The following PTPRG variants were observed in gnomAD, a reference collection of about 807,000 sequenced individuals.
PTPRG encodes receptor-type tyrosine-protein phosphatase gamma.
Under a neutral mutation model 165.3 loss-of-function variants are expected in PTPRG, and 102 were observed. The ratio of observed to expected loss-of-function variants is 0.62; its 90% CI spans 0.53 to 0.73. PTPRG has a LOEUF of 0.73. Ranked by LOEUF, PTPRG falls within the 30% of genes least tolerant of loss-of-function variation. The pLI is 0.00. For missense variants in PTPRG, 1,866 were observed against 1,861.4 expected (o/e 1.00, Z -0.05); for synonymous variants, 675 against 669.5 (o/e 1.01, Z -0.13).
intron 2 of PTPRG, among the ~76,000 whole-genome samples, chr3:61,857,557 GATA>G (rs1445580726): frequency 6.6e-6 from 1 of 152,136 alleles, no homozygotes; most frequent in Admixed American, 6.6e-5. Context: ...AGTGTGACTC[GATA>G]ATTATTTTAT....
chr3:61,773,773 C>A (rs2034283918), intron 2 of PTPRG, among the ~76,000 whole-genome samples: 1 of 148,632 alleles, frequency 6.7e-6, no homozygotes, highest in Non-Finnish European at 1.5e-5. Flanking sequence ...CCTTCTCCCC[C>A]ATTGACTTTT....
intron 1 of PTPRG, among the ~76,000 whole-genome samples, chr3:61,668,981 C>T (rs1449158611): frequency 6.6e-6 from 1 of 152,154 alleles, no homozygotes; most frequent in Non-Finnish European, 1.5e-5. Flanking sequence ...TTTTAAAGCT[C>T]ATTTATTACA....
At chr3:61,837,407 C>T (rs181519122) in intron 2 of PTPRG, among the ~76,000 whole-genome samples, 11 of 152,164 alleles carry the variant, frequency 7.2e-5, no homozygotes, top group Non-Finnish European at 1.2e-4. Flanking sequence ...AGTAATATCT[C>T]CTAAAATGTG....
intron 5 of PTPRG, among the ~76,000 whole-genome samples, chr3:62,129,482 G>A (rs999444610): frequency 1.3e-5 from 2 of 151,984 alleles, no homozygotes; most frequent in African/African-American, 4.8e-5. Context: ...GAATGGCCCT[G>A]ACATCTGGCA....
chr3:62,127,601 A>G (rs1173367997), intron 5 of PTPRG, among the ~76,000 whole-genome samples: 2 of 152,306 alleles, frequency 1.3e-5, no homozygotes, highest in South Asian at 2.1e-4. Context: ...ACAAGAGGAT[A>G]TCGGCTGGAT....
rs1395449432 is a variant in PTPRG at position 62,296,285 on chromosome 3, G to A, written c.*2978G>A. On this transcript the variant is annotated 3_prime_UTR_variant, in exon 30 of 30. Coordinates refer to ENST00000474889, the MANE Select transcript of PTPRG (RefSeq NM_002841.4). ...GTCTATTCAAGTAGAAGAGTCCAGC[G>A]AGGCCAAAGAAGGGTTACGGTGTTC... is the stretch of plus-strand genomic sequence containing the variant. 2.0e-5 allele frequency: 3 copies of A among 151,876 alleles called. No individual in the cohort carries two copies. Among genetic ancestry groups the A allele is most frequent in the African/African-American group, 2.4e-5 (1 of 41,360 alleles). The allele number at this position is 151,876 out of a possible 1,614,324, so 9.4% of individuals were successfully genotyped here.
In PTPRG at chr3:62,007,902, T is replaced by G. The variant is rs77235342; in HGVS notation, c.519+4405T>G. 4.6e-3 allele frequency among the ~76,000 whole-genome samples: 704 copies of G among 152,360 alleles called. 5 individuals carry two copies. Among genetic ancestry groups the G allele is most frequent in the African/African-American group, 0.015 (642 of 41,590 alleles). ...ATTTTGGTAGGCAAGATAATGTCTCTTCTTCCAAATGTCTGCTGTAAATAC... is the reference window on the plus strand; with the variant it reads ...ATTTTGGTAGGCAAGATAATGTCTCGTCTTCCAAATGTCTGCTGTAAATAC... On this transcript the variant is annotated intron_variant, in intron 4 of 29. Transcript: ENST00000474889.
intron 19 of PTPRG, 126 bp from the exon 20 acceptor site, chr3:62,268,909 T>G: frequency 9.4e-7 from 1 of 1,067,882 alleles, no homozygotes; most frequent in Non-Finnish European, 1.3e-6. Context: ...TAAACTCACG[T>G]ATTCCTTTTT....
chr3:61,729,251 A>G (rs1225018967), intron 1 of PTPRG, among the ~76,000 whole-genome samples: 1 of 152,176 alleles, frequency 6.6e-6, no homozygotes, highest in Non-Finnish European at 1.5e-5. Context: ...ATGGCCCACA[A>G]CTGTGCATCC....
chr3:61,932,271 C>T (rs2039380131), intron 2 of PTPRG, among the ~76,000 whole-genome samples: 1 of 152,182 alleles, frequency 6.6e-6, no homozygotes, highest in Non-Finnish European at 1.5e-5. Context: ...TCTTGTAATG[C>T]AGCACTGCAT....
At chr3:61,935,002 C>T (rs957988212) in intron 2 of PTPRG, among the ~76,000 whole-genome samples, 11 of 152,080 alleles carry the variant, frequency 7.2e-5, no homozygotes, top group African/African-American at 2.7e-4. Context: ...CCAACACGTC[C>T]CTTCCACCTT....
intron 2 of PTPRG, among the ~76,000 whole-genome samples, chr3:61,779,199 T>C (rs1437994457): frequency 6.6e-6 from 1 of 152,196 alleles, no homozygotes; most frequent in Non-Finnish European, 1.5e-5. Context: ...TAAAATGCAT[T>C]AAGAAGCTGC....
At chr3:61,855,058 G>T (rs2037062607) in intron 2 of PTPRG, among the ~76,000 whole-genome samples, 1 of 152,148 alleles carries the variant, frequency 6.6e-6, no homozygotes, top group East Asian at 1.9e-4. Flanking sequence ...TGCATCAGAA[G>T]GTGAACGCAG....
chr3:61,893,318 A>T (rs984004126), intron 2 of PTPRG, among the ~76,000 whole-genome samples: 3 of 151,828 alleles, frequency 2.0e-5, no homozygotes, highest in Admixed American at 2.0e-4. Context: ...TCCTTTGGTA[A>T]TAAGTATAAA....
At chr3:61,743,497 CCAT>C (rs1235728673) in intron 1 of PTPRG, among the ~76,000 whole-genome samples, 1 of 149,548 alleles carries the variant, frequency 6.7e-6, no homozygotes, top group African/African-American at 2.4e-5. Context: ...GTTTGTCAGG[CCAT>C]GGGTGTCTGT....
At chr3:61,568,150 G>T (rs1559506514) in intron 1 of PTPRG, among the ~76,000 whole-genome samples, 1 of 152,166 alleles carries the variant, frequency 6.6e-6, no homozygotes, top group East Asian at 1.9e-4. Flanking sequence ...TTTATGTGGA[G>T]TTGTAACCAA....
intron 1 of PTPRG, among the ~76,000 whole-genome samples, chr3:61,660,098 GC>G (rs1702617361): frequency 6.6e-6 from 1 of 152,108 alleles, no homozygotes; most frequent in African/African-American, 2.4e-5. Context: ...GGTGGTTTGT[GC>G]CTGTAGTCCC....
chr3:61,647,351 C>G (rs1356039802), intron 1 of PTPRG, among the ~76,000 whole-genome samples: 1 of 152,198 alleles, frequency 6.6e-6, no homozygotes, highest in Non-Finnish European at 1.5e-5. Flanking sequence ...GCACCATACA[C>G]ATACTATCTA....
rs1700450258 is a variant in PTPRG at position 62,214,555 on chromosome 3, GT to G, written c.2156-4294del. Among the ~76,000 whole-genome samples, 1 of 152,190 alleles carries G rather than the reference GT, an allele frequency of 6.6e-6. No individual in the cohort carries two copies. The highest frequency in any genetic ancestry group is 2.4e-5 in the African/African-American group (1 of 41,450). On this transcript the variant is annotated intron_variant, in intron 12 of 29. Transcript: ENST00000474889. The surrounding 1 kb of genome is among the most constrained non-coding windows in gnomAD (Gnocchi z 5.2). ...TAGTAGGAGGCAGAGCTTTGTAACTGTTCTTCCATACACAGACGGAAATCAG... is the reference window on the plus strand; with the variant it reads ...TAGTAGGAGGCAGAGCTTTGTAACTGTCTTCCATACACAGACGGAAATCAG...
Sources: allele counts gnomAD v4.1 joint callset (sites outside exome capture counted in the v4.1 genomes callset), GRCh38; gene constraint gnomAD v4.1.1; non-coding constraint Gnocchi (gnomAD v3.1); transcripts MANE v1.5; gene names NCBI Gene and HGNC (gene_info 2026-07-23, HGNC 2026-07-21).